OR6J1: variants seen among roughly 807,000 people sequenced by gnomAD.
OR6J1 encodes the protein olfactory receptor family 6 subfamily J member 1.
For synonymous variants in OR6J1, 109 were observed against 70.0 expected (o/e 1.56, Z -2.78); for missense variants, 304 against 166.8 (o/e 1.82, Z -4.53).
chr14:22,634,000 T>A lies in OR6J1; in HGVS notation c.812A>T (p.Lys271Met), dbSNP rs981137331. 4 of 702,798 alleles carry A rather than the reference T, an allele frequency of 5.7e-6. No homozygotes were observed. In the African/African-American group the frequency reaches 7.0e-5, roughly 12 times the overall value. 43.5% of individuals were successfully genotyped at this position (702,798 alleles called of 1,614,324 possible). The change falls in exon 2 of 2, where the codon AAG becomes ATG. Residue 271 changes from lysine to methionine, a missense_variant. Coordinates refer to ENST00000540461, the MANE Select transcript of OR6J1 (RefSeq NM_001348233.2). ...CACACTGCTCAGAACCAAAGGGATC[T>A]TGTTGATCTCCAGATATTCTTTCTG... ...PSQKEYLEIN[K>M]IPLVLSSVVT... is the part of the protein sequence containing the mutation.
In OR6J1 at chr14:22,632,071, T is replaced by C. The variant is rs962522508; in HGVS notation, c.*1697A>G. ...GTATGCATGTGTCCTTCTGACCAGT[T>C]CCACGCAGAGCATAGGGGTTAATTT... On this transcript the variant is annotated 3_prime_UTR_variant, in exon 2 of 2. Coordinates refer to ENST00000540461, the MANE Select transcript of OR6J1 (RefSeq NM_001348233.2). The C allele has an allele frequency of 2.0e-5, 3 of 152,230 alleles. No homozygotes were observed. The highest frequency in any genetic ancestry group is 2.0e-4 in the Admixed American group (3 of 15,274). 9.4% of individuals were successfully genotyped at this position (152,230 alleles called of 1,614,324 possible).
intron 1 of OR6J1, among the ~76,000 whole-genome samples, chr14:22,638,079 G>A (rs1275782598): frequency 7.0e-5 from 7 of 100,438 alleles, no homozygotes; most frequent in Non-Finnish European, 1.2e-4. Context: ...GAGGTGAGGG[G>A]CGCTTCTGCC....
rs189484860 is a variant in OR6J1, at chr14:22,631,995, C to T, written c.*1773G>A. ...GCTCTGAATAAGTGGCATCTGTGCT[C>T]ATTTAAGTAGTCTTCATTTATGTCC... On this transcript the variant is annotated 3_prime_UTR_variant, in exon 2 of 2. Transcript: ENST00000540461. 131 of 152,466 alleles carry T rather than the reference C, an allele frequency of 8.6e-4. 1 individual carries two copies. The highest frequency in any genetic ancestry group is 3.0e-3 in the African/African-American group (125 of 41,592). The allele number at this position is 152,466 out of a possible 1,614,324, so 9.4% of individuals were successfully genotyped here. A position where few individuals can be genotyped will look rare whatever the true frequency, so the allele number is the denominator to read the frequency against.
In OR6J1 at chr14:22,634,788, C is replaced by A; in HGVS notation, c.24G>T (p.Val8=). Residue 8 remains valine, a synonymous_variant, in exon 2 of 2, where the codon GTG becomes GTT. Coordinates refer to ENST00000540461, the MANE Select transcript of OR6J1 (RefSeq NM_001348233.2). MGNWTAA[V]TEFVLLGFSL... is the part of the protein sequence containing the mutation. ...AAAACCCCAGCAGAACAAACTCAGTCACCGCTGCAGTCCAGTTACCCATGG... is the reference window on the plus strand; with the variant it reads ...AAAACCCCAGCAGAACAAACTCAGTAACCGCTGCAGTCCAGTTACCCATGG... 4 of 697,132 alleles carry A rather than the reference C, an allele frequency of 5.7e-6. No homozygotes were observed. Among genetic ancestry groups the A allele is most frequent in the South Asian group, 4.5e-5 (3 of 66,048 alleles). 43.2% of individuals were successfully genotyped at this position (697,132 alleles called of 1,614,324 possible). A position where few individuals can be genotyped will look rare whatever the true frequency, so the allele number is the denominator to read the frequency against.
At chr14:22,643,752 C>CAGAGAG (rs1270936188) in intron 1 of OR6J1, among the ~76,000 whole-genome samples, 18 of 107,276 alleles carry the variant, frequency 1.7e-4, no homozygotes, top group African/African-American at 6.3e-4. Context: ...CACACACACA[C>CAGAGAG]ACACACACAC....
intron 1 of OR6J1, among the ~76,000 whole-genome samples, chr14:22,637,871 G>T (rs1207725469): frequency 6.0e-5 from 2 of 33,214 alleles, no homozygotes; most frequent in Admixed American, 1.7e-4. Flanking sequence ...GGGGGGGTGG[G>T]GTCGGCCAGC....
chr14:22,639,084 T>A, intron 1 of OR6J1, among the ~76,000 whole-genome samples: 1 of 75,952 alleles, frequency 1.3e-5, no homozygotes, highest in South Asian at 4.4e-4. Context: ...ACCCTCTGCC[T>A]GGCAACCACC....
At chr14:22,637,503 T>C (rs2037599848) in intron 1 of OR6J1, among the ~76,000 whole-genome samples, 1 of 26,510 alleles carries the variant, frequency 3.8e-5, no homozygotes, top group Non-Finnish European at 7.1e-5. Context: ...GGAGCCCCTC[T>C]GCCCGGCCAG....
In OR6J1 at chr14:22,639,211, C is replaced by T. The variant is rs1242665678; in HGVS notation, c.-27-4373G>A. On this transcript the variant is annotated intron_variant, in intron 1 of 1. Transcript: ENST00000540461. ...GTGAGGAGCGTCTCCGCCCGGCAGCCACCCCGTCCGGGAGGGAGGTGGTGG... is the reference window on the plus strand; with the variant it reads ...GTGAGGAGCGTCTCCGCCCGGCAGCTACCCCGTCCGGGAGGGAGGTGGTGG... Among the ~76,000 whole-genome samples, 25 of 121,274 alleles carry T rather than the reference C, an allele frequency of 2.1e-4. 4 individuals carry two copies. The highest frequency in any genetic ancestry group is 5.1e-4 in the Admixed American group (7 of 13,732). 79.6% of individuals were successfully genotyped at this position (121,274 alleles called of 152,430 possible).
rs756375449 is a variant in OR6J1, at chr14:22,634,550, C to A, written c.262G>T (p.Asp88Tyr). The A allele has an allele frequency of 4.3e-6, 3 of 705,624 alleles. No individual in the cohort carries two copies. The East Asian group carries it at 8.0e-5, about 19-fold the overall frequency. 43.7% of individuals were successfully genotyped at this position (705,624 alleles called of 1,614,324 possible). A position where few individuals can be genotyped will look rare whatever the true frequency, so the allele number is the denominator to read the frequency against. Reference sequence around the variant, plus strand: ...CATCCGGCAAAGGAGATGGTTTTATCCCTAGATCCTAAGTTGGCCAACACT... The same window carrying A: ...CATCCGGCAAAGGAGATGGTTTTATACCTAGATCCTAAGTTGGCCAACACT... ...PKVLANLGSR[D>Y]KTISFAGCIT... The change falls in exon 2 of 2, where the codon GAT becomes TAT. Residue 88 changes from aspartate to tyrosine, a missense_variant. By Grantham distance (160) the Asp-to-Tyr change is radical (BLOSUM62 -3). Coordinates refer to ENST00000540461, the MANE Select transcript of OR6J1 (RefSeq NM_001348233.2).
chr14:22,641,270 G>GAAAGAAAGA (rs2037646292), intron 1 of OR6J1, among the ~76,000 whole-genome samples: 4 of 75,682 alleles, frequency 5.3e-5, no homozygotes, highest in Admixed American at 3.8e-4. Context: ...AGAAAGAAAG[G>GAAAGAAAGA]AAGGAAGGAA....
At chr14:22,637,075 G>T (rs1304490074) in intron 1 of OR6J1, among the ~76,000 whole-genome samples, 1 of 120,688 alleles carries the variant, frequency 8.3e-6, no homozygotes, top group Admixed American at 7.4e-5. Context: ...GCCCTGTCTG[G>T]GATGTGAGGA....
chr14:22,637,114 A>G (rs1314618899), intron 1 of OR6J1, among the ~76,000 whole-genome samples: 15,216 of 98,012 alleles, frequency 0.16, 1,630 homozygotes, highest in African/African-American at 0.36. Context: ...ACCCTGTCTG[A>G]GAGGTGAGGA....
Position 22,641,304 on chromosome 14 carries a change from G to A in OR6J1, c.-28+2794C>T, listed in dbSNP as rs60833382. 1.3e-3 allele frequency among the ~76,000 whole-genome samples: 59 copies of A among 45,826 alleles called. 1 individual carries two copies. The highest frequency in any genetic ancestry group is 7.4e-3 in the East Asian group (9 of 1,220). 30.1% of individuals were successfully genotyped at this position (45,826 alleles called of 152,430 possible). On this transcript the variant is annotated intron_variant, in intron 1 of 1. Transcript: ENST00000540461. ...AAGAAAGAGAAGAAAGAGAGACAGA[G>A]AGGAAAGAGAGAGAGAGGAAGGAAG... is the stretch of plus-strand genomic sequence containing the variant.
At chr14:22,638,754 T>G (rs1380278311) in intron 1 of OR6J1, among the ~76,000 whole-genome samples, 2 of 152,068 alleles carry the variant, frequency 1.3e-5, no homozygotes, top group African/African-American at 2.4e-5. Flanking sequence ...CAATAACAAG[T>G]GTTGACGAGG....
At position 22,643,216 on chromosome 14, in the gene OR6J1, C is replaced by T. The variant is rs528281590; in HGVS notation, c.-28+882G>A. Among the ~76,000 whole-genome samples the T allele has an allele frequency of 2.0e-5, 3 of 151,896 alleles. No homozygotes were observed. The South Asian group carries it at 6.3e-4, about 32-fold the overall frequency. Reference sequence around the variant, plus strand: ...CTCCTGACTTCAAGTGATCCATCCACCTCGGCCTCCCAAAGTGCTGGGATT... The same window carrying T: ...CTCCTGACTTCAAGTGATCCATCCATCTCGGCCTCCCAAAGTGCTGGGATT... On this transcript the variant is annotated intron_variant, in intron 1 of 1. Transcript: ENST00000540461.
rs1201104845 is a variant in OR6J1, at chr14:22,637,283, G to C, written c.-27-2445C>G. On this transcript the variant is annotated intron_variant, in intron 1 of 1. Coordinates refer to ENST00000540461, the MANE Select transcript of OR6J1 (RefSeq NM_001348233.2). Reference sequence around the variant, plus strand: ...GCCACCCCGTCCGGGAGGGAGGTGGGGGGGGTCAGCCCCCCGCCCGGCCAG... The same window carrying C: ...GCCACCCCGTCCGGGAGGGAGGTGGCGGGGGTCAGCCCCCCGCCCGGCCAG... Among the ~76,000 whole-genome samples the C allele has an allele frequency of 7.6e-5, 5 of 65,948 alleles. 1 individual carries two copies. In the African/African-American group the frequency reaches 8.2e-4, roughly 11 times the overall value. 43.3% of individuals were successfully genotyped at this position (65,948 alleles called of 152,430 possible).
chr14:22,641,398 A>AAAGG (rs1555311018), intron 1 of OR6J1, among the ~76,000 whole-genome samples: 22 of 122,322 alleles, frequency 1.8e-4, no homozygotes, highest in African/African-American at 3.6e-4. Context: ...AGAGAGAGAG[A>AAAGG]AAGGAAGGAT....
At chr14:22,641,237 G>GAAAA (rs1337422607) in intron 1 of OR6J1, among the ~76,000 whole-genome samples, 5 of 30,328 alleles carry the variant, frequency 1.6e-4, no homozygotes, top group Non-Finnish European at 3.6e-4. Context: ...AAGAAAGAAA[G>GAAAA]AAAGAAAGAA....
Sources: gnomAD v4.1 joint callset for allele counts (sites outside exome capture counted in the v4.1 genomes callset) on GRCh38, gnomAD v4.1.1 for gene constraint, MANE v1.5 for transcripts, NCBI Gene and HGNC (gene_info 2026-07-23, HGNC 2026-07-21) for gene names.